Variants in CCDC73 observed in about 807,000 individuals in gnomAD.
The protein encoded by CCDC73 is coiled-coil domain-containing protein 73.
In CCDC73, 95 loss-of-function variants were observed where a neutral mutation model predicts 116.5. That is an observed-to-expected ratio of 0.82 (90% confidence interval 0.69 to 0.97). The LOEUF is 0.97. Among genes scored for constraint, CCDC73 ranks in the 50% least tolerant of loss-of-function variants. CCDC73 has a pLI of 0.00. For synonymous variants in CCDC73, 398 were observed against 401.3 expected, an observed-to-expected ratio of 0.99 and a Z score of 0.10; for missense variants, 1,066 against 1,206.8, an observed-to-expected ratio of 0.88 and a Z score of 1.73.
At chr11:32,619,877 GGGGGAGGGGAAGGGAGGGAGGGGAA>G (rs1249087967) in intron 14 of CCDC73, among the ~76,000 whole-genome samples, 1 of 147,980 alleles carries the variant, frequency 6.8e-6, no homozygotes, top group Non-Finnish European at 1.5e-5. Flanking sequence ...AGAAGGAGGA[GGGGGAGGGGAAGGGAGGGAGGGGAA>G]GGGGAGGAGA....
In CCDC73 at chr11:32,750,892, T is replaced by C. The variant is rs190382285; in HGVS notation, c.135+9217A>G. 1.9e-4 allele frequency among the ~76,000 whole-genome samples: 29 copies of C among 152,262 alleles called. No homozygotes were observed. In the East Asian group the frequency reaches 5.6e-3, roughly 29 times the overall value. ...CTCAAGTGGAAGGGGTCTCTCCTCA[T>C]AGCCACCATAGCTGTGAATATGCTG... is the stretch of plus-strand genomic sequence containing the variant. On this transcript the variant is annotated intron_variant, in intron 2 of 17. Transcript: ENST00000335185.
chr11:32,678,451 G>A (rs1856111642), intron 7 of CCDC73, among the ~76,000 whole-genome samples: 1 of 152,136 alleles, frequency 6.6e-6, no homozygotes, highest in East Asian at 1.9e-4. Flanking sequence ...AGGTTGCTGT[G>A]AGGATAAAAT....
At chr11:32,706,222 G>A (rs113565167) in intron 3 of CCDC73, among the ~76,000 whole-genome samples, 1,824 of 152,280 alleles carry the variant, frequency 0.012, 36 homozygotes, top group African/African-American at 0.042. Context: ...GAGTCCACTG[G>A]AGACTTCAGG....
At chr11:32,752,503 T>C (rs887195539) in intron 2 of CCDC73, among the ~76,000 whole-genome samples, 26 of 152,238 alleles carry the variant, frequency 1.7e-4, no homozygotes, top group African/African-American at 5.3e-4. Context: ...CCATTATCTA[T>C]ATTAATTTAC....
At chr11:32,654,148 T>C in intron 10 of CCDC73, 111 bp from the exon 11 acceptor site, 1 of 927,100 alleles carries the variant, frequency 1.1e-6, no homozygotes, top group Non-Finnish European at 1.5e-6. Flanking sequence ...ACCCCCAGAG[T>C]ACCCACATTT....
intron 1 of CCDC73, among the ~76,000 whole-genome samples, chr11:32,768,250 C>T (rs939959429): frequency 6.6e-6 from 1 of 152,172 alleles, no homozygotes; most frequent in Admixed American, 6.5e-5. Context: ...CATGTTCTCA[C>T]TCATAGGTGG....
intron 14 of CCDC73, among the ~76,000 whole-genome samples, chr11:32,627,676 C>T (rs1448936415): frequency 7.2e-5 from 11 of 152,162 alleles, no homozygotes; most frequent in East Asian, 3.9e-4. Flanking sequence ...TGTAGGAACA[C>T]GGATGAAGCT....
chr11:32,702,283 G>A (rs910082955), intron 4 of CCDC73, among the ~76,000 whole-genome samples: 1 of 152,172 alleles, frequency 6.6e-6, no homozygotes, highest in Non-Finnish European at 1.5e-5. Flanking sequence ...TATTCTCTTG[G>A]TAGGAACTGA....
rs115959480 is a variant in CCDC73 at position 32,758,648 on chromosome 11, A to G, written c.135+1461T>C. ...TGAAGCTTTCTTGGGTAATAAAAGAAAAAAAAAACGCTATTCCTTTTCTAA... is the reference window on the plus strand; with the variant it reads ...TGAAGCTTTCTTGGGTAATAAAAGAGAAAAAAAACGCTATTCCTTTTCTAA... On this transcript the variant is annotated intron_variant, in intron 2 of 17. Transcript: ENST00000335185. 4.5e-3 allele frequency: 1,209 copies of G among 271,270 alleles called. 19 individuals are homozygous for G. The highest frequency in any genetic ancestry group is 0.026 in the African/African-American group (1,144 of 43,210). 16.8% of individuals were successfully genotyped at this position (271,270 alleles called of 1,614,324 possible). A position where few individuals can be genotyped will look rare whatever the true frequency, so the allele number is the denominator to read the frequency against.
intron 6 of CCDC73, among the ~76,000 whole-genome samples, chr11:32,695,930 G>T (rs574166115): frequency 1.3e-5 from 2 of 151,234 alleles, no homozygotes; most frequent in Non-Finnish European, 2.9e-5. Flanking sequence ...GAGCTACAAT[G>T]GTCATTTCTG....
intron 14 of CCDC73, among the ~76,000 whole-genome samples, chr11:32,626,545 G>C (rs1304243310): frequency 4.5e-4 from 68 of 152,022 alleles, no homozygotes; most frequent in Non-Finnish European, 1.6e-4. Context: ...AAGAACACAG[G>C]TGGAGGCATC....
At chr11:32,722,175 A>G (rs1025202439) in intron 2 of CCDC73, among the ~76,000 whole-genome samples, 1 of 152,184 alleles carries the variant, frequency 6.6e-6, no homozygotes, top group African/African-American at 2.4e-5. Flanking sequence ...CCATTTTGCC[A>G]TTATCAGTGA....
intron 2 of CCDC73, among the ~76,000 whole-genome samples, chr11:32,757,518 A>G (rs1400099712): frequency 1.3e-5 from 2 of 152,270 alleles, no homozygotes; most frequent in East Asian, 3.9e-4. Flanking sequence ...AATAACAACA[A>G]ACTTAGTGGC....
intron 2 of CCDC73, among the ~76,000 whole-genome samples, chr11:32,739,105 T>A (rs375266064): frequency 1.3e-5 from 2 of 152,320 alleles, no homozygotes; most frequent in South Asian, 4.1e-4. Context: ...AGTTCTGTAG[T>A]ATAATTTGAA....
chr11:32,800,405 C>T, the CCDC73 span, among the ~76,000 whole-genome samples: 1 of 152,058 alleles, frequency 6.6e-6, no homozygotes, highest in Non-Finnish European at 1.5e-5. Flanking sequence ...GCCTGGGCAA[C>T]ACAGTGAGAC....
intron 13 of CCDC73, among the ~76,000 whole-genome samples, chr11:32,636,585 A>C (rs2133243939): frequency 6.6e-6 from 1 of 152,220 alleles, no homozygotes; most frequent in East Asian, 1.9e-4. Context: ...GTTTCTTATA[A>C]AAGTTTCTCT....
intron 9 of CCDC73, among the ~76,000 whole-genome samples, chr11:32,657,747 T>C (rs1855886616): frequency 6.6e-6 from 1 of 152,086 alleles, no homozygotes; most frequent in Non-Finnish European, 1.5e-5. Flanking sequence ...TCACAGCTAA[T>C]CCTAGTGATT....
chr11:32,788,408 C>T (rs953062208), intron 1 of CCDC73, among the ~76,000 whole-genome samples: 1 of 151,354 alleles, frequency 6.6e-6, no homozygotes, highest in Non-Finnish European at 1.5e-5. Flanking sequence ...TAAAGAATAA[C>T]AATGATGTAA....
the CCDC73 span, among the ~76,000 whole-genome samples, chr11:32,802,679 A>G: frequency 6.6e-6 from 1 of 152,228 alleles, no homozygotes; most frequent in Non-Finnish European, 1.5e-5. Flanking sequence ...CCACTCACTA[A>G]TAACTACTGC....
Sources: allele counts gnomAD v4.1 joint callset (sites outside exome capture counted in the v4.1 genomes callset), GRCh38; gene constraint gnomAD v4.1.1; transcripts MANE v1.5; gene names NCBI Gene and HGNC (gene_info 2026-07-23, HGNC 2026-07-21).